The following MAML2 variants were observed in gnomAD, a reference collection of about 807,000 sequenced individuals.
MAML2 encodes mastermind-like protein 2.
MAML2 carries 22 observed loss-of-function variants against 96.1 expected under a neutral mutation model. That is an observed-to-expected ratio of 0.23 (90% CI 0.16 to 0.33). The LOEUF (loss-of-function observed/expected upper bound fraction) is 0.33. MAML2 is among the 10% of genes least tolerant of loss of function. MAML2 has a pLI of 1.00. For synonymous variants in MAML2, 561 were observed against 521.3 expected (o/e 1.08, Z -1.04); for missense variants, 1,367 against 1,392.4 (o/e 0.98, Z 0.29).
intron 1 of MAML2, among the ~76,000 whole-genome samples, chr11:96,147,900 A>C (rs1860844966): frequency 6.6e-6 from 1 of 152,188 alleles, no homozygotes. Context: ...ATAGAAAAGA[A>C]TGGTCTGATG....
At chr11:96,139,899 A>G (rs1308867167) in intron 1 of MAML2, among the ~76,000 whole-genome samples, 2 of 152,186 alleles carry the variant, frequency 1.3e-5, no homozygotes, top group Non-Finnish European at 2.9e-5. Context: ...CCGTGATGCA[A>G]TGAAGGCCTG....
At chr11:96,310,161 C>T (rs918993416) in intron 1 of MAML2, among the ~76,000 whole-genome samples, 2 of 152,038 alleles carry the variant, frequency 1.3e-5, no homozygotes, top group Admixed American at 6.6e-5. Flanking sequence ...TATACATAAA[C>T]TGAGAACTGA....
chr11:96,026,567 A>G (rs2135741774), intron 2 of MAML2, among the ~76,000 whole-genome samples: 1 of 152,260 alleles, frequency 6.6e-6, no homozygotes, highest in East Asian at 1.9e-4. Flanking sequence ...AGCAAGGGAG[A>G]GGGCTGTAAA....
intron 1 of MAML2, among the ~76,000 whole-genome samples, chr11:96,199,232 A>G (rs1435662553): frequency 6.9e-6 from 1 of 144,764 alleles, no homozygotes; most frequent in Non-Finnish European, 1.5e-5. Flanking sequence ...AGAGAGGGGT[A>G]GTCCTTGTTG....
intron 1 of MAML2, among the ~76,000 whole-genome samples, chr11:96,247,556 C>A (rs1470283476): frequency 6.6e-6 from 1 of 152,182 alleles, no homozygotes; most frequent in East Asian, 1.9e-4. Flanking sequence ...GTCCACTTTG[C>A]AGACGCCCAC....
intron 1 of MAML2, among the ~76,000 whole-genome samples, chr11:96,314,247 C>G (rs1450369143): frequency 6.6e-6 from 1 of 152,158 alleles, no homozygotes; most frequent in Non-Finnish European, 1.5e-5. Context: ...TCACAGGTGG[C>G]CTCTTGGCCT....
intron 1 of MAML2, among the ~76,000 whole-genome samples, chr11:96,330,740 A>C (rs1260795890): frequency 1.3e-5 from 2 of 152,140 alleles, no homozygotes; most frequent in Non-Finnish European, 2.9e-5. Context: ...CTCATCTCCC[A>C]ATTAGCTAGA....
chr11:96,045,600 T>C (rs1364539814), intron 2 of MAML2, among the ~76,000 whole-genome samples: 1 of 152,224 alleles, frequency 6.6e-6, no homozygotes, highest in African/African-American at 2.4e-5. Flanking sequence ...TTGGTGTGTA[T>C]AGAAAGTAAC....
At chr11:96,061,190 A>T (rs920454760) in intron 2 of MAML2, among the ~76,000 whole-genome samples, 1 of 152,256 alleles carries the variant, frequency 6.6e-6, no homozygotes, top group Non-Finnish European at 1.5e-5. Context: ...AAATATTCAC[A>T]TAAGGGATTC....
intron 1 of MAML2, among the ~76,000 whole-genome samples, chr11:96,191,546 G>C (rs888852752): frequency 2.6e-5 from 4 of 151,646 alleles, no homozygotes; most frequent in African/African-American, 9.7e-5. Flanking sequence ...AGGCTGAGGT[G>C]GCTGGATCAC....
At chr11:96,266,666 A>G (rs1172899573) in intron 1 of MAML2, among the ~76,000 whole-genome samples, 3 of 152,202 alleles carry the variant, frequency 2.0e-5, no homozygotes, top group Non-Finnish European at 4.4e-5. Flanking sequence ...CTATATCTCA[A>G]TTTCAAATAC....
Position 96,093,346 on chromosome 11 carries a change from T to G in MAML2, c.685A>C (p.Met229Leu), listed in dbSNP as rs772177026. 34 of 1,613,950 alleles carry G rather than the reference T, an allele frequency of 2.1e-5. No homozygotes were observed. The highest frequency in any genetic ancestry group is 2.8e-5 in the Non-Finnish European group (33 of 1,179,916). ...LQINNGQSQI[M>L]SGTLPMSQAP... ...TGGCTCATAGGCAAGGTCCCTGACATAATCTGACTTTGTCCATTGTTTATT... is the reference window on the plus strand; with the variant it reads ...TGGCTCATAGGCAAGGTCCCTGACAGAATCTGACTTTGTCCATTGTTTATT... The change falls in exon 2 of 5, where the codon ATG becomes CTG. Residue 229 changes from methionine to leucine, a missense_variant. Met to Leu is a conservative substitution (Grantham distance 15). Coordinates refer to ENST00000524717, the MANE Select transcript of MAML2 (RefSeq NM_032427.4).
intron 1 of MAML2, among the ~76,000 whole-genome samples, chr11:96,204,058 A>G (rs1410718785): frequency 6.6e-6 from 1 of 152,114 alleles, no homozygotes; most frequent in Non-Finnish European, 1.5e-5. Flanking sequence ...TGCTGTCAGC[A>G]TCCCTAGGCC....
At position 95,979,228 on chromosome 11, in the gene MAML2, T is replaced by A. The variant is rs1463618951; in HGVS notation, c.3191A>T (p.Gln1064Leu). The change falls in exon 5 of 5, where the codon CAG becomes CTG. Residue 1064 changes from glutamine to leucine, a missense_variant. Transcript: ENST00000524717. The stretch of plus-strand genomic sequence containing the variant: ...CGACTGATTCAACCCTGTTCCTGAC[T>A]GATTCAAATTAGGCAAAATCTGTGT... ...LSTQILPNLN[Q>L]SGTGLNQSRT... The A allele has an allele frequency of 6.2e-7, 1 of 1,614,032 alleles. No homozygotes were observed. Among genetic ancestry groups the A allele is most frequent in the South Asian group, 1.1e-5 (1 of 91,090 alleles).
chr11:96,304,534 C>T (rs947618991), intron 1 of MAML2, among the ~76,000 whole-genome samples: 5 of 152,278 alleles, frequency 3.3e-5, no homozygotes, highest in Non-Finnish European at 5.9e-5. Flanking sequence ...GATGGTCCCC[C>T]GATCCAGCCA....
At chr11:96,032,818 C>T (rs577413830) in intron 2 of MAML2, among the ~76,000 whole-genome samples, 1 of 152,244 alleles carries the variant, frequency 6.6e-6, no homozygotes, top group African/African-American at 2.4e-5. Context: ...TGTCTGATCC[C>T]ATTTAAACAA....
intron 2 of MAML2, among the ~76,000 whole-genome samples, chr11:96,003,529 C>T (rs1675241610): frequency 6.6e-6 from 1 of 151,922 alleles, no homozygotes. Context: ...TTTAAAATCC[C>T]TCTGTTCAAA....
intron 1 of MAML2, among the ~76,000 whole-genome samples, chr11:96,165,023 G>T (rs1171088979): frequency 6.6e-6 from 1 of 152,092 alleles, no homozygotes; most frequent in East Asian, 1.9e-4. Context: ...ATATTATACA[G>T]AAGAAAACGA....
intron 1 of MAML2, among the ~76,000 whole-genome samples, chr11:96,178,427 T>C (rs1861428691): frequency 6.6e-6 from 1 of 152,038 alleles, no homozygotes; most frequent in Admixed American, 6.6e-5. Flanking sequence ...GTGGAACAAA[T>C]ATATTTGATC....
Sources: gnomAD v4.1 joint callset for allele counts (sites outside exome capture counted in the v4.1 genomes callset) on GRCh38, gnomAD v4.1.1 for gene constraint, MANE v1.5 for transcripts, NCBI Gene and HGNC (gene_info 2026-07-23, HGNC 2026-07-21) for gene names.